ZC2HC1B: variants seen among roughly 807,000 people sequenced by gnomAD.
ZC2HC1B encodes zinc finger C2HC domain-containing protein 1B.
In ZC2HC1B, 36 loss-of-function variants were observed where a neutral mutation model predicts 31.0. The observed-to-expected ratio is 1.16, with a 90% CI of 0.89 to 1.54. The LOEUF (loss-of-function observed/expected upper bound fraction) is 1.54, where lower values mean the gene tolerates loss of function less well. Among genes scored for constraint, ZC2HC1B ranks in the 40% most tolerant of loss-of-function variants. ZC2HC1B has a pLI of 0.00. For synonymous variants in ZC2HC1B, 73 were observed against 88.0 expected (o/e 0.83, Z 0.95); for missense variants, 260 against 268.6 (o/e 0.97, Z 0.22).
chr6:143,894,157 T>C (rs2128494574), intron 4 of ZC2HC1B, among the ~76,000 whole-genome samples: 1 of 151,472 alleles, frequency 6.6e-6, no homozygotes, highest in Non-Finnish European at 1.5e-5. Context: ...CTATCAACAA[T>C]TGAATAGATA....
chr6:143,886,747 CA>C lies in ZC2HC1B; in HGVS notation c.276del (p.Ala93GlnfsTer6). On this transcript the variant is annotated frameshift_variant, in exon 4 of 8. Coordinates refer to ENST00000237275, the MANE Select transcript of ZC2HC1B (RefSeq NM_001013623.3). LOFTEE classifies it high-confidence loss of function. The surrounding 1 kb of genome is among the most constrained non-coding windows in gnomAD (Gnocchi z 4.2). ...GAAGACTTTATTAATGCAATCCGAT[CA>C]GCAAAGCAGTGTATGCTAGCCATTA... is the stretch of plus-strand genomic sequence containing the variant. ...QHEDFINAIR[S>X]AKQCMLAIKE... The C allele has an allele frequency of 6.5e-7, 1 of 1,549,724 alleles. No homozygotes were observed. The highest frequency in any genetic ancestry group is 8.7e-7 in the Non-Finnish European group (1 of 1,146,070).
chr6:143,874,769 C>A (rs1270040066), intron 1 of ZC2HC1B, among the ~76,000 whole-genome samples: 1 of 152,178 alleles, frequency 6.6e-6, no homozygotes, highest in African/African-American at 2.4e-5. Context: ...CTCAGAGATA[C>A]AATTCAAGTT....
intron 6 of ZC2HC1B, among the ~76,000 whole-genome samples, chr6:143,919,215 CTCTGTGTGTGTGTGTGTGTGTGTG>C (rs1435428032): frequency 8.1e-6 from 1 of 124,070 alleles, no homozygotes; most frequent in Non-Finnish European, 1.7e-5. Context: ...GTTTGCTATT[CTCTGTGTGTGTGTGTGTGTGTGTG>C]TGTGTGTGTG....
intron 6 of ZC2HC1B, among the ~76,000 whole-genome samples, chr6:143,925,533 TTTC>T (rs1778026235): frequency 8.2e-6 from 1 of 121,684 alleles, no homozygotes; most frequent in Non-Finnish European, 1.6e-5. Flanking sequence ...ATTCTTTTCT[TTTC>T]TTTTTTTTTT....
At chr6:143,891,137 A>G (rs1214742840) in intron 4 of ZC2HC1B, among the ~76,000 whole-genome samples, 1 of 151,512 alleles carries the variant, frequency 6.6e-6, no homozygotes, top group Non-Finnish European at 1.5e-5. Context: ...TCTCAAAAAA[A>G]AAAAAAAAGA....
rs1465518815 is a variant in ZC2HC1B, at chr6:143,870,620, G to A, written c.28+6053G>A. Among the ~76,000 whole-genome samples, 1 of 152,164 alleles carries A rather than the reference G, an allele frequency of 6.6e-6. No individual in the cohort carries two copies. The highest frequency in any genetic ancestry group is 2.4e-5 in the African/African-American group (1 of 41,446). On this transcript the variant is annotated intron_variant, in intron 1 of 7. Transcript: ENST00000237275. This position sits in a 1 kb window ranked among gnomAD's most constrained non-coding sequence, Gnocchi z 4.7. ...ACTCAGTTCATGATAGGCAGGTCAG[G>A]TTGCATGGTGACTTGATGACCCACA... is the stretch of plus-strand genomic sequence containing the variant.
At chr6:143,932,765 A>AT (rs1778135325) in intron 6 of ZC2HC1B, among the ~76,000 whole-genome samples, 1 of 151,888 alleles carries the variant, frequency 6.6e-6, no homozygotes, top group African/African-American at 2.4e-5. Flanking sequence ...TGCTTTTCTG[A>AT]TTTTTTTCTC....
intron 6 of ZC2HC1B, among the ~76,000 whole-genome samples, chr6:143,931,848 ACTTCTT>A (rs200982467): frequency 7.2e-6 from 1 of 139,394 alleles, no homozygotes; most frequent in African/African-American, 2.7e-5. Flanking sequence ...TGTTCTTTGA[ACTTCTT>A]CTTCTTCTTC....
At chr6:143,929,644 T>C (rs779076515) in intron 6 of ZC2HC1B, among the ~76,000 whole-genome samples, 9 of 152,210 alleles carry the variant, frequency 5.9e-5, no homozygotes, top group Non-Finnish European at 8.8e-5. Context: ...TCAGTTGGAT[T>C]GGTAGCACTT....
intron 4 of ZC2HC1B, among the ~76,000 whole-genome samples, chr6:143,889,261 T>C (rs539373651): frequency 6.6e-6 from 1 of 151,442 alleles, no homozygotes; most frequent in African/African-American, 2.4e-5. Flanking sequence ...AGATAAAAAA[T>C]GCAAAAAAAT....
intron 6 of ZC2HC1B, among the ~76,000 whole-genome samples, 163 bp from the exon 7 acceptor site, chr6:143,937,486 C>G (rs1462438507): frequency 2.0e-5 from 3 of 151,530 alleles, no homozygotes; most frequent in Non-Finnish European, 4.4e-5. Context: ...TTGTCTGTAG[C>G]TACCCCACCC....
intron 6 of ZC2HC1B, among the ~76,000 whole-genome samples, chr6:143,927,077 C>T (rs1028071038): frequency 2.6e-5 from 4 of 151,982 alleles, no homozygotes; most frequent in Admixed American, 1.3e-4. Context: ...GGATTACAGG[C>T]GTGAGCCACC....
Position 143,903,181 on chromosome 6 carries a change from A to C in ZC2HC1B, c.598+29A>C. ...AGTCAAAGCACGCATTTCATCTCTC[A>C]AATGATGGGGGTCAGAGGAGATCAC... On this transcript the variant is annotated intron_variant, in intron 6 of 7. Transcript: ENST00000237275. This position sits in a 1 kb window ranked among gnomAD's most constrained non-coding sequence, Gnocchi z 4.3. 123 of 1,532,138 alleles carry C rather than the reference A, an allele frequency of 8.0e-5. No individual in the cohort carries two copies. Among genetic ancestry groups the C allele is most frequent in the Middle Eastern group, 1.7e-4 (1 of 5,946 alleles). The allele number at this position is 1,532,138 out of a possible 1,614,324, so 94.9% of individuals were successfully genotyped here.
At chr6:143,866,534 C>A (rs1777265376) in intron 1 of ZC2HC1B, among the ~76,000 whole-genome samples, 1 of 152,156 alleles carries the variant, frequency 6.6e-6, no homozygotes, top group Non-Finnish European at 1.5e-5. Flanking sequence ...AAGTTGAGGA[C>A]TGTCTGTTAC....
At chr6:143,912,830 G>A (rs1236400116) in intron 6 of ZC2HC1B, among the ~76,000 whole-genome samples, 1 of 152,112 alleles carries the variant, frequency 6.6e-6, no homozygotes, top group Non-Finnish European at 1.5e-5. Context: ...AGGCCCACAG[G>A]CTGGACAAGC....
chr6:143,919,075 GA>G (rs1394031891), intron 6 of ZC2HC1B, among the ~76,000 whole-genome samples: 4 of 151,574 alleles, frequency 2.6e-5, no homozygotes, highest in African/African-American at 9.7e-5. Flanking sequence ...CAGTTGTGTT[GA>G]TTTTTTTTCT....
chr6:143,935,266 A>G (rs1434114845), intron 6 of ZC2HC1B, among the ~76,000 whole-genome samples: 3 of 152,166 alleles, frequency 2.0e-5, no homozygotes, highest in Non-Finnish European at 4.4e-5. Flanking sequence ...GACCACAGGC[A>G]GGGTGGGTTG....
chr6:143,930,774 C>T (rs1372108170), intron 6 of ZC2HC1B, among the ~76,000 whole-genome samples: 2 of 152,150 alleles, frequency 1.3e-5, no homozygotes, highest in Admixed American at 6.5e-5. Flanking sequence ...TGTACTGAGG[C>T]TTATTTTGTT....
chr6:143,931,912 T>C (rs1254991445), intron 6 of ZC2HC1B, among the ~76,000 whole-genome samples: 1 of 149,936 alleles, frequency 6.7e-6, no homozygotes, highest in Non-Finnish European at 1.5e-5. Flanking sequence ...TGCCCAAAGC[T>C]GGAGTGCAAT....
Sources: gnomAD v4.1 joint callset for allele counts (sites outside exome capture counted in the v4.1 genomes callset) on GRCh38, gnomAD v4.1.1 for gene constraint, Gnocchi (gnomAD v3.1) non-coding constraint, MANE v1.5 for transcripts, NCBI Gene and HGNC (gene_info 2026-07-23, HGNC 2026-07-21) for gene names.